The following EPHB2 variants were observed in gnomAD, a reference collection of about 807,000 sequenced individuals.
The protein encoded by EPHB2 is ephrin type-B receptor 2.
A neutral mutation model predicts 96.4 loss-of-function variants in EPHB2; 18 were observed. That is an observed-to-expected ratio of 0.19 (90% CI 0.13 to 0.28). The LOEUF is 0.28. EPHB2 is among the 10% of genes least tolerant of loss of function. The probability of loss-of-function intolerance (pLI) is 1.00; values close to 1 mark genes in which losing one functional copy is unlikely to be tolerated. For missense variants in EPHB2, 989 were observed against 1,355.4 expected (o/e 0.73, Z 4.25); for synonymous variants, 506 against 534.1 (o/e 0.95, Z 0.72).
In EPHB2 at chr1:22,716,135, C is replaced by A. The variant is rs187154619; in HGVS notation, c.61+5092C>A. 2.4e-4 allele frequency among the ~76,000 whole-genome samples: 37 copies of A among 152,296 alleles called. No homozygotes were observed. In the East Asian group the frequency reaches 6.8e-3, roughly 28 times the overall value. On this transcript the variant is annotated intron_variant, in intron 1 of 15. Coordinates refer to ENST00000374630, the MANE Select transcript of EPHB2 (RefSeq NM_017449.5). ...TCAGACTCCATCCCTGCCTCTTTCT[C>A]CAGAGCCCCATCAGGGGAAAATACT...
At chr1:22,737,720 C>T (rs1293911129) in intron 1 of EPHB2, among the ~76,000 whole-genome samples, 1 of 152,178 alleles carries the variant, frequency 6.6e-6, no homozygotes, top group Non-Finnish European at 1.5e-5. Context: ...TCTTATTCAT[C>T]GTTGGGCCTC....
chr1:22,796,825 C>T (rs1644773108), intron 3 of EPHB2, among the ~76,000 whole-genome samples: 1 of 152,222 alleles, frequency 6.6e-6, no homozygotes. Flanking sequence ...GAACACTCTG[C>T]TGAATCCTTA....
chr1:22,755,088 T>A (rs1020110131), intron 1 of EPHB2, among the ~76,000 whole-genome samples: 10 of 152,084 alleles, frequency 6.6e-5, no homozygotes, highest in African/African-American at 2.4e-4. Flanking sequence ...GGTGTTAACG[T>A]CTCAGCAGCC....
intron 1 of EPHB2, among the ~76,000 whole-genome samples, chr1:22,739,907 G>A (rs1218202458): frequency 1.3e-5 from 2 of 152,178 alleles, no homozygotes; most frequent in Non-Finnish European, 2.9e-5. Context: ...AGGGCTGCCC[G>A]GGGTTTGCGG....
At chr1:22,785,862 G>T (rs1328424266) in intron 3 of EPHB2, among the ~76,000 whole-genome samples, 1 of 152,200 alleles carries the variant, frequency 6.6e-6, no homozygotes, top group Non-Finnish European at 1.5e-5. Context: ...ATCCTCACAA[G>T]GACCCTGTGA....
intron 1 of EPHB2, among the ~76,000 whole-genome samples, chr1:22,748,361 G>C (rs1423758168): frequency 1.3e-5 from 2 of 151,444 alleles, no homozygotes; most frequent in African/African-American, 4.9e-5. Context: ...CTTACCTCAA[G>C]GGGGCTTTCT....
At chr1:22,783,908 G>A (rs1417328584) in intron 2 of EPHB2, among the ~76,000 whole-genome samples, 2 of 152,140 alleles carry the variant, frequency 1.3e-5, no homozygotes, top group East Asian at 3.9e-4. Flanking sequence ...CGTTCATTGA[G>A]GATGAGGACT....
intron 12 of EPHB2, 94 bp from the exon 13 acceptor site, chr1:22,908,928 T>C: frequency 6.5e-7 from 1 of 1,549,444 alleles, no homozygotes; most frequent in Non-Finnish European, 8.8e-7. Flanking sequence ...CCTCATGAGA[T>C]TGGGGCATCA....
At position 22,850,695 on chromosome 1, in the gene EPHB2, C is replaced by T. The variant is rs142664060; in HGVS notation, c.812-12342C>T. On this transcript the variant is annotated intron_variant, in intron 3 of 15. Coordinates refer to ENST00000374630, the MANE Select transcript of EPHB2 (RefSeq NM_017449.5). ...CTCCAGCTGGGGAGAAGGGGATACTCGATCGGTCCCCATTTTCTCAGGAGG... is the reference window on the plus strand; with the variant it reads ...CTCCAGCTGGGGAGAAGGGGATACTTGATCGGTCCCCATTTTCTCAGGAGG... Among the ~76,000 whole-genome samples, 636 of 152,304 alleles carry T rather than the reference C, an allele frequency of 4.2e-3. 5 individuals are homozygous for T. Among genetic ancestry groups the T allele is most frequent in the African/African-American group, 0.013 (529 of 41,562 alleles).
intron 3 of EPHB2, among the ~76,000 whole-genome samples, chr1:22,814,665 A>G (rs577261125): frequency 4.7e-4 from 71 of 152,318 alleles, no homozygotes; most frequent in African/African-American, 1.7e-3. Context: ...CACAAAGCCA[A>G]CCGCAGCTGA....
At chr1:22,830,864 T>C (rs1036990860) in intron 3 of EPHB2, among the ~76,000 whole-genome samples, 35 of 152,198 alleles carry the variant, frequency 2.3e-4, no homozygotes, top group Admixed American at 1.8e-3. Flanking sequence ...CTCATATTCA[T>C]TTCTTTATGC....
At chr1:22,797,417 AC>A in intron 3 of EPHB2, among the ~76,000 whole-genome samples, 1 of 151,170 alleles carries the variant, frequency 6.6e-6, no homozygotes, top group Non-Finnish European at 1.5e-5. Context: ...CCAGGGTCCC[AC>A]CCCCCTCCAC....
At chr1:22,897,457 T>G (rs1454570914) in intron 9 of EPHB2, among the ~76,000 whole-genome samples, 1 of 152,082 alleles carries the variant, frequency 6.6e-6, no homozygotes, top group Non-Finnish European at 1.5e-5. Flanking sequence ...GCCTACCACA[T>G]ATGCCAGGCA....
chr1:22,771,180 G>A (rs533819700), intron 1 of EPHB2, among the ~76,000 whole-genome samples: 1 of 152,162 alleles, frequency 6.6e-6, no homozygotes, highest in Non-Finnish European at 1.5e-5. Flanking sequence ...ACCAGACTTG[G>A]CCCTGCCTAC....
chr1:22,879,641 C>G (rs1055223666), intron 5 of EPHB2, among the ~76,000 whole-genome samples: 3 of 152,224 alleles, frequency 2.0e-5, no homozygotes, highest in Non-Finnish European at 4.4e-5. Flanking sequence ...GTCACTGTGC[C>G]TCTCTGAGCC....
Position 22,906,117 on chromosome 1 carries a change from G to A in EPHB2, c.1888+8G>A, listed in dbSNP as rs779363169. 10 of 1,614,154 alleles carry A rather than the reference G, an allele frequency of 6.2e-6. No individual in the cohort carries two copies. The South Asian group carries it at 6.6e-5, about 11-fold the overall frequency. ...AGCAGGTGATCGGAGCAGGTAGGTG[G>A]CTGGTACTCTCACATGTACTATGAC... On this transcript the variant is annotated splice_region_variant and intron_variant, in intron 10 of 15. Transcript: ENST00000374630. This position sits in a 1 kb window ranked among gnomAD's most constrained non-coding sequence, Gnocchi z 4.8.
chr1:22,801,283 T>C (rs2148447515), intron 3 of EPHB2, among the ~76,000 whole-genome samples: 1 of 152,256 alleles, frequency 6.6e-6, no homozygotes, highest in African/African-American at 2.4e-5. Context: ...CTTGTGTCTG[T>C]CCTCGCCAGG....
rs774732880 is a variant in EPHB2, at chr1:22,892,887, C to G, written c.1432C>G (p.Leu478Val). The G allele has an allele frequency of 8.7e-6, 14 of 1,614,226 alleles. No homozygotes were observed. Among genetic ancestry groups the G allele is most frequent in the Admixed American group, 6.7e-5 (4 of 60,024 alleles). Residue 478 changes from leucine to valine, a missense_variant, in exon 7 of 16, where the codon CTC becomes GTC. Coordinates refer to ENST00000374630, the MANE Select transcript of EPHB2 (RefSeq NM_017449.5). ...TTTCTTCTCTGTTCCTCGGCAGGAG[C>G]TCAGTGAGTACAACGCCACAGCCAT... ...DYELQYYEKE[L>V]SEYNATAIKS...
At chr1:22,739,374 C>A (rs1643878008) in intron 1 of EPHB2, among the ~76,000 whole-genome samples, 1 of 152,144 alleles carries the variant, frequency 6.6e-6, no homozygotes, top group South Asian at 2.1e-4. Context: ...TGCCAGCACG[C>A]CTGGCTAGTT....
Sources: gnomAD v4.1 joint callset for allele counts (sites outside exome capture counted in the v4.1 genomes callset) on GRCh38, gnomAD v4.1.1 for gene constraint, Gnocchi (gnomAD v3.1) non-coding constraint, MANE v1.5 for transcripts, NCBI Gene and HGNC (gene_info 2026-07-23, HGNC 2026-07-21) for gene names.